Variants in RYK observed in about 807,000 individuals in gnomAD.
RYK encodes inactive tyrosine-protein kinase RYK.
Under a neutral mutation model 70.2 loss-of-function variants are expected in RYK, and 21 were observed. The ratio of observed to expected loss-of-function variants is 0.30; its 90% CI spans 0.21 to 0.43. The LOEUF (loss-of-function observed/expected upper bound fraction) is 0.43. RYK is among the 20% of genes least tolerant of loss of function. The pLI, the probability that RYK is intolerant of heterozygous loss-of-function variation, is 1.00. For synonymous variants in RYK, 267 were observed against 278.0 expected, an observed-to-expected ratio of 0.96 and a Z score of 0.39; for missense variants, 604 against 753.3, an observed-to-expected ratio of 0.80 and a Z score of 2.32.
At chr3:134,246,705 T>C (rs1395572296) in intron 1 of RYK, among the ~76,000 whole-genome samples, 3 of 152,224 alleles carry the variant, frequency 2.0e-5, no homozygotes, top group Admixed American at 6.5e-5. Flanking sequence ...ACAGGATAGA[T>C]ACATTCAGAC....
At chr3:134,178,838 GT>G (rs1156235368) in intron 10 of RYK, 1 of 152,146 alleles carries the variant, frequency 6.6e-6, no homozygotes, top group Non-Finnish European at 1.5e-5. Flanking sequence ...TTTTCCCAAG[GT>G]TATGTAACTT....
At chr3:134,243,036 G>A (rs1219318769) in intron 1 of RYK, among the ~76,000 whole-genome samples, 1 of 152,200 alleles carries the variant, frequency 6.6e-6, no homozygotes, top group Non-Finnish European at 1.5e-5. Context: ...GGTTATGCCA[G>A]ACTCATGGGC....
At chr3:134,180,940 A>C (rs188417961) in intron 10 of RYK, 2 of 152,342 alleles carry the variant, frequency 1.3e-5, no homozygotes, top group African/African-American at 4.8e-5. Context: ...ACCTCCTGAG[A>C]CTGCTAATTC....
At chr3:134,207,025 C>T (rs1486584661) in intron 5 of RYK, among the ~76,000 whole-genome samples, 2 of 151,674 alleles carry the variant, frequency 1.3e-5, no homozygotes, top group Non-Finnish European at 2.9e-5. Flanking sequence ...ACAACCGATA[C>T]CAAAAAATAA....
chr3:134,226,022 A>C (rs2014899746), intron 1 of RYK, among the ~76,000 whole-genome samples: 1 of 152,156 alleles, frequency 6.6e-6, no homozygotes. Flanking sequence ...AACAGATTCA[A>C]ACCAAAATCA....
intron 1 of RYK, among the ~76,000 whole-genome samples, chr3:134,243,054 A>C (rs2015368103): frequency 6.6e-6 from 1 of 152,150 alleles, no homozygotes; most frequent in African/African-American, 2.4e-5. Flanking sequence ...GGCAGAGGAC[A>C]CCTTCAACCC....
intron 2 of RYK, 68 bp from the exon 3 acceptor site, chr3:134,211,675 C>G: frequency 1.0e-6 from 1 of 991,228 alleles, no homozygotes; most frequent in Middle Eastern, 2.1e-4. Flanking sequence ...AGCTTGACTT[C>G]ATTAATTGGC....
intron 6 of RYK, among the ~76,000 whole-genome samples, chr3:134,201,854 C>G (rs2014034777): frequency 6.6e-6 from 1 of 152,196 alleles, no homozygotes; most frequent in African/African-American, 2.4e-5. Context: ...GGCATGTCTT[C>G]AGGCAGCAAC....
chr3:134,219,584 T>G (rs988099129), intron 2 of RYK, among the ~76,000 whole-genome samples: 1 of 152,226 alleles, frequency 6.6e-6, no homozygotes, highest in Non-Finnish European at 1.5e-5. Flanking sequence ...TATTTGTTTT[T>G]ATATGTATCA....
At chr3:134,224,550 T>A (rs1174732109) in intron 1 of RYK, among the ~76,000 whole-genome samples, 1 of 152,138 alleles carries the variant, frequency 6.6e-6, no homozygotes, top group Non-Finnish European at 1.5e-5. Flanking sequence ...GCCTGACTCA[T>A]GTCAGGCCTT....
intron 8 of RYK, among the ~76,000 whole-genome samples, chr3:134,191,138 C>CAA (rs2013629166): frequency 6.6e-6 from 1 of 152,152 alleles, no homozygotes; most frequent in African/African-American, 2.4e-5. Context: ...AAGTAATTCT[C>CAA]TATTTAACAA....
At chr3:134,235,537 T>C (rs185116813) in intron 1 of RYK, among the ~76,000 whole-genome samples, 14 of 152,192 alleles carry the variant, frequency 9.2e-5, no homozygotes, top group African/African-American at 2.9e-4. Flanking sequence ...TCATACTTTA[T>C]CTCTCAATTT....
intron 2 of RYK, among the ~76,000 whole-genome samples, chr3:134,214,222 A>G (rs1010164404): frequency 7.9e-5 from 12 of 152,306 alleles, no homozygotes; most frequent in East Asian, 1.9e-4. Context: ...TTCAATATTC[A>G]GTATTCAATA....
chr3:134,161,150 C>T (rs1266495741), intron 13 of RYK, among the ~76,000 whole-genome samples: 1 of 152,090 alleles, frequency 6.6e-6, no homozygotes, highest in Non-Finnish European at 1.5e-5. Context: ...AAACAGCTAA[C>T]AATATATCGT....
At chr3:134,218,050 T>C (rs896728404) in intron 2 of RYK, among the ~76,000 whole-genome samples, 1 of 152,226 alleles carries the variant, frequency 6.6e-6, no homozygotes, top group African/African-American at 2.4e-5. Flanking sequence ...CTGTTACAGA[T>C]GAACTTGTGA....
In RYK at chr3:134,192,407, C is replaced by G. The variant is rs369412302; in HGVS notation, c.890-433G>C. On this transcript the variant is annotated intron_variant, in intron 7 of 14. Coordinates refer to ENST00000623711, the MANE Select transcript of RYK (RefSeq NM_002958.4). ...GTTTGAAAAGATTTTTTTCAAACAT[C>G]TCTTCATTTGAAAAGTTGTTTTGTT... Among the ~76,000 whole-genome samples the G allele has an allele frequency of 6.9e-3, 1,033 of 150,140 alleles. 7 individuals are homozygous for G. The highest frequency in any genetic ancestry group is 0.014 in the Middle Eastern group (4 of 290).
In RYK at chr3:134,202,697, CA is replaced by C. The variant is rs747196243; in HGVS notation, c.788+32del. On this transcript the variant is annotated intron_variant, in intron 6 of 14. Coordinates refer to ENST00000623711, the MANE Select transcript of RYK (RefSeq NM_002958.4). ...CCACATATATACAAATAACTGCTTT[CA>C]TTTTTTTTCTTTCCCAAAATATGTA... 11 of 1,599,914 alleles carry C rather than the reference CA, an allele frequency of 6.9e-6. No homozygotes were observed. In the East Asian group the frequency reaches 2.2e-4, roughly 33 times the overall value.
At chr3:134,160,885 T>C (rs1179497559) in intron 13 of RYK, among the ~76,000 whole-genome samples, 1 of 152,124 alleles carries the variant, frequency 6.6e-6, no homozygotes, top group Non-Finnish European at 1.5e-5. Flanking sequence ...AAAACTGTCA[T>C]GGAAAGTTCT....
At chr3:134,189,452 G>C (rs2013574250) in intron 8 of RYK, among the ~76,000 whole-genome samples, 1 of 152,062 alleles carries the variant, frequency 6.6e-6, no homozygotes, top group African/African-American at 2.4e-5. Context: ...CTGGTAAAAT[G>C]TGTTCCTAAA....
Sources: allele counts gnomAD v4.1 joint callset (sites outside exome capture counted in the v4.1 genomes callset), GRCh38; gene constraint gnomAD v4.1.1; transcripts MANE v1.5; gene names NCBI Gene and HGNC (gene_info 2026-07-23, HGNC 2026-07-21).